The following MYO18A variants were observed in gnomAD, a reference collection of about 807,000 sequenced individuals.
MYO18A encodes the protein unconventional myosin-XVIIIa.
MYO18A carries 78 observed loss-of-function variants against 235.8 expected under a neutral mutation model. The observed-to-expected ratio is 0.33, with a 90% CI of 0.28 to 0.40. The LOEUF (loss-of-function observed/expected upper bound fraction) is 0.40, where lower values mean the gene tolerates loss of function less well. Ranked by LOEUF, MYO18A falls within the 10% of genes least tolerant of loss-of-function variation. The pLI is 1.00. For synonymous variants in MYO18A, 977 were observed against 1,077.8 expected (o/e 0.91, Z 1.83); for missense variants, 2,215 against 2,699.3 (o/e 0.82, Z 3.98).
chr17:29,090,470 G>C, intron 36 of MYO18A, 62 bp downstream of exon 36: 1 of 1,445,134 alleles, frequency 6.9e-7, no homozygotes, highest in Non-Finnish European at 9.5e-7. Flanking sequence ...GAACTTGGGG[G>C]TTCCTCCCAC....
chr17:29,082,517 G>A (rs927860905), intron 40 of MYO18A, 79 bp from the exon 41 acceptor site: 1 of 1,489,836 alleles, frequency 6.7e-7, no homozygotes, highest in South Asian at 1.2e-5. Context: ...GGGTGCAGGG[G>A]GTGTCTTGGG....
chr17:29,147,728 G>A (rs978087505), intron 2 of MYO18A, among the ~76,000 whole-genome samples: 5 of 151,562 alleles, frequency 3.3e-5, no homozygotes, highest in African/African-American at 4.8e-5. Flanking sequence ...ACAGAGACCC[G>A]TCTACAAAAA....
chr17:29,180,031 C>A lies in MYO18A; in HGVS notation c.-82+282G>T, dbSNP rs1424600943. Among the ~76,000 whole-genome samples the A allele has an allele frequency of 2.0e-5, 3 of 151,958 alleles. No individual in the cohort carries two copies. Among genetic ancestry groups the A allele is most frequent in the Admixed American group, 6.6e-5 (1 of 15,260 alleles). On this transcript the variant is annotated intron_variant, in intron 1 of 41. Transcript: ENST00000527372. This position sits in a 1 kb window ranked among gnomAD's most constrained non-coding sequence, Gnocchi z 6.1. ...CAAATCCCCCCACACTGAAGGCCAC[C>A]CTGTCCTGCCTCCCTGCGCCCCCCA... is the stretch of plus-strand genomic sequence containing the variant.
chr17:29,114,680 G>C (rs1010338746), intron 14 of MYO18A, among the ~76,000 whole-genome samples: 2 of 152,196 alleles, frequency 1.3e-5, no homozygotes, highest in Non-Finnish European at 2.9e-5. Flanking sequence ...CCTCCTGGGG[G>C]CCCTCAATGC....
intron 2 of MYO18A, among the ~76,000 whole-genome samples, chr17:29,124,061 A>G (rs1179080784): frequency 6.7e-6 from 1 of 148,494 alleles, no homozygotes; most frequent in Admixed American, 6.7e-5. Flanking sequence ...AAAAAAAAAA[A>G]TCATTACAAT....
rs2065930016 is a variant in MYO18A, at chr17:29,074,526, G to T, written c.*244C>A. 1.7e-6 allele frequency: 1 copy of T among 591,600 alleles called. No individual in the cohort carries two copies. The highest frequency in any genetic ancestry group is 2.3e-5 in the South Asian group (1 of 43,520). 36.6% of individuals were successfully genotyped at this position (591,600 alleles called of 1,614,324 possible). On this transcript the variant is annotated 3_prime_UTR_variant, in exon 42 of 42. Coordinates refer to ENST00000527372, the MANE Select transcript of MYO18A (RefSeq NM_078471.4). The surrounding 1 kb of genome is among the most constrained non-coding windows in gnomAD (Gnocchi z 4.4). The stretch of plus-strand genomic sequence containing the variant: ...CGGTGACACAGGGTAGAAGCCAAGA[G>T]TCTGGCATTTTGAGACAGAGGAGCA...
chr17:29,080,356 C>T (rs906945028), intron 41 of MYO18A: 15 of 986,244 alleles, frequency 1.5e-5, no homozygotes, highest in African/African-American at 7.0e-5. Context: ...GGCAGAGCTG[C>T]GTGGCCGGGG....
At chr17:29,163,503 G>A (rs559685305) in intron 2 of MYO18A, among the ~76,000 whole-genome samples, 11 of 152,318 alleles carry the variant, frequency 7.2e-5, no homozygotes, top group South Asian at 2.1e-4. Context: ...GCTGAGGCTC[G>A]GGGAAGAAGT....
At chr17:29,085,788 G>A in intron 39 of MYO18A, 140 bp from the exon 40 acceptor site, 1 of 767,002 alleles carries the variant, frequency 1.3e-6, no homozygotes, top group Non-Finnish European at 2.2e-6. Context: ...ACCAGGTAGT[G>A]GGATGCGTGA....
In MYO18A at chr17:29,086,566, T is replaced by G; in HGVS notation, c.5724A>C (p.Leu1908=). Residue 1908 remains leucine, a synonymous_variant, in exon 39 of 42, where the codon CTA becomes CTC. Transcript: ENST00000527372. Reference sequence around the variant, plus strand: ...TCTGGTTAGCAGCCTCCAGGCTTTCTAGATCCATCTCCTAGGAGGAAGGGG... The same window carrying G: ...TCTGGTTAGCAGCCTCCAGGCTTTCGAGATCCATCTCCTAGGAGGAAGGGG... ...SRKKHELEMD[L]ESLEAANQSL... 1 of 1,613,380 alleles carries G rather than the reference T, an allele frequency of 6.2e-7. No homozygotes were observed. Among genetic ancestry groups the G allele is most frequent in the South Asian group, 1.1e-5 (1 of 90,910 alleles).
intron 2 of MYO18A, among the ~76,000 whole-genome samples, chr17:29,152,433 G>C (rs1391284320): frequency 6.6e-6 from 1 of 152,146 alleles, no homozygotes. Flanking sequence ...TTAAAAACTG[G>C]AATCAAACTT....
chr17:29,160,226 C>G (rs753000277), intron 2 of MYO18A, among the ~76,000 whole-genome samples: 1 of 152,228 alleles, frequency 6.6e-6, no homozygotes, highest in South Asian at 2.1e-4. Flanking sequence ...GAATAAAAAG[C>G]AAGTCTCCTT....
In MYO18A at chr17:29,109,398, C is replaced by A. The variant is rs564600148; in HGVS notation, c.3331+460G>T. On this transcript the variant is annotated intron_variant, in intron 19 of 41. Transcript: ENST00000527372. This position sits in a 1 kb window ranked among gnomAD's most constrained non-coding sequence, Gnocchi z 4.1. ...CCACTAATACTATCATCCTGTCTGT[C>A]GCCTCCTTTAGATGGGTCCATAAAA... is the stretch of plus-strand genomic sequence containing the variant. Among the ~76,000 whole-genome samples, 2 of 152,164 alleles carry A rather than the reference C, an allele frequency of 1.3e-5. No homozygotes were observed. The highest frequency in any genetic ancestry group is 4.8e-5 in the African/African-American group (2 of 41,432).
chr17:29,130,299 C>CAAAAA (rs564370108), intron 2 of MYO18A, among the ~76,000 whole-genome samples: 609 of 55,506 alleles, frequency 0.011, 1 homozygote, highest in Middle Eastern at 0.025. Flanking sequence ...AACCCTGTCT[C>CAAAAA]AAAAAAAAAA....
intron 40 of MYO18A, among the ~76,000 whole-genome samples, chr17:29,085,037 C>T (rs534404933): frequency 1.8e-4 from 27 of 152,342 alleles, no homozygotes; most frequent in African/African-American, 6.0e-4. Context: ...GGCTGTGTTC[C>T]CTTCCCCCGC....
chr17:29,089,876 T>G, intron 37 of MYO18A, 85 bp downstream of exon 37: 1 of 1,552,436 alleles, frequency 6.4e-7, no homozygotes, highest in Non-Finnish European at 8.7e-7. Context: ...TCCGGGGGCC[T>G]GTCCAGCCCT....
chr17:29,074,129 C>A lies in MYO18A; in HGVS notation c.*641G>T. 1 of 1,614,020 alleles carries A rather than the reference C, an allele frequency of 6.2e-7. No homozygotes were observed. The highest frequency in any genetic ancestry group is 8.5e-7 in the Non-Finnish European group (1 of 1,179,994). On this transcript the variant is annotated 3_prime_UTR_variant, in exon 42 of 42. Transcript: ENST00000527372. The surrounding 1 kb of genome is among the most constrained non-coding windows in gnomAD (Gnocchi z 4.4). Reference sequence around the variant, plus strand: ...CTCATTCTTAAGAACCTGGACCCGGCTCTCCTCACCAGCGTCTCCAGCTGC... The same window carrying A: ...CTCATTCTTAAGAACCTGGACCCGGATCTCCTCACCAGCGTCTCCAGCTGC...
chr17:29,129,663 C>T (rs1434779545), intron 2 of MYO18A, among the ~76,000 whole-genome samples: 2 of 152,226 alleles, frequency 1.3e-5, no homozygotes, highest in East Asian at 3.8e-4. Context: ...GCACTGGGCT[C>T]CGTGAAGGCC....
intron 2 of MYO18A, among the ~76,000 whole-genome samples, chr17:29,157,053 G>A (rs1356308025): frequency 6.6e-6 from 1 of 152,214 alleles, no homozygotes; most frequent in Non-Finnish European, 1.5e-5. Context: ...CAGGGATCCT[G>A]TCACCCCAAG....
Sources: allele counts gnomAD v4.1 joint callset (sites outside exome capture counted in the v4.1 genomes callset), GRCh38; gene constraint gnomAD v4.1.1; non-coding constraint Gnocchi (gnomAD v3.1); transcripts MANE v1.5; gene names NCBI Gene and HGNC (gene_info 2026-07-23, HGNC 2026-07-21).